NMNAT1: variants seen among roughly 807,000 people sequenced by gnomAD.
NMNAT1 encodes nicotinamide nucleotide adenylyltransferase 1, also known as nicotinamide/nicotinic acid mononucleotide adenylyltransferase 1.
In NMNAT1, 11 loss-of-function variants were observed where a neutral mutation model predicts 16.7. That is an observed-to-expected ratio of 0.66 (90% confidence interval 0.41 to 1.09). NMNAT1 has a LOEUF of 1.09. Among genes scored for constraint, NMNAT1 ranks in the 50% least tolerant of loss-of-function variants. The pLI is 0.00. For missense variants in NMNAT1, 280 were observed against 332.3 expected (o/e 0.84, Z 1.22); for synonymous variants, 110 against 119.8 (o/e 0.92, Z 0.53).
chr1:9,952,045 T>A (rs1234035473), intron 1 of NMNAT1, among the ~76,000 whole-genome samples: 2 of 152,116 alleles, frequency 1.3e-5, no homozygotes, highest in Admixed American at 1.3e-4. Context: ...ACGCCTGTAA[T>A]CCCAGCACTT....
At chr1:9,986,994 C>T (rs1447434841), downstream of NMNAT1, among the ~76,000 whole-genome samples, 2 of 151,278 alleles carry the variant, frequency 1.3e-5, no homozygotes, top group Non-Finnish European at 3.0e-5. Flanking sequence ...GTCAGGAGTT[C>T]AAGACCAGCC....
In NMNAT1 at chr1:9,983,748, C is replaced by T. The variant is rs1357647256; in HGVS notation, c.*1047C>T. ...AGCCTCAAATCATACAGATGAGGGT[C>T]ATTTTCTCCTCCTTAGCTTCTTGGA... On this transcript the variant is annotated 3_prime_UTR_variant, in exon 5 of 5. Coordinates refer to ENST00000377205, the MANE Select transcript of NMNAT1 (RefSeq NM_022787.4). 1.3e-5 allele frequency: 2 copies of T among 151,964 alleles called. No individual in the cohort carries two copies. Among genetic ancestry groups the T allele is most frequent in the African/African-American group, 4.8e-5 (2 of 41,360 alleles). 9.4% of individuals were successfully genotyped at this position (151,964 alleles called of 1,614,324 possible). A position where few individuals can be genotyped will look rare whatever the true frequency, so the allele number is the denominator to read the frequency against.
At chr1:9,966,250 G>T (rs947131845) in intron 1 of NMNAT1, among the ~76,000 whole-genome samples, 2 of 152,192 alleles carry the variant, frequency 1.3e-5, no homozygotes, top group South Asian at 2.1e-4. Flanking sequence ...AGTGAGCTGA[G>T]ATCGTGCCAC....
chr1:9,985,892 G>A (rs1395141115), downstream of NMNAT1, among the ~76,000 whole-genome samples: 1 of 152,056 alleles, frequency 6.6e-6, no homozygotes, highest in East Asian at 1.9e-4. Context: ...CAAATGATCC[G>A]CCCACCTTGG....
At chr1:9,951,738 G>A (rs1038256396) in intron 1 of NMNAT1, among the ~76,000 whole-genome samples, 1 of 152,188 alleles carries the variant, frequency 6.6e-6, no homozygotes, top group African/African-American at 2.4e-5. Flanking sequence ...GCCTTCCAAA[G>A]TACTGGGATT....
chr1:9,953,275 G>A (rs1273249065), intron 1 of NMNAT1, among the ~76,000 whole-genome samples: 1 of 149,244 alleles, frequency 6.7e-6, no homozygotes, highest in Non-Finnish European at 1.5e-5. Flanking sequence ...CACTGTGCGC[G>A]GGCTTTTTTT....
intron 1 of NMNAT1, among the ~76,000 whole-genome samples, chr1:9,964,544 T>C (rs1455198146): frequency 6.6e-6 from 1 of 151,618 alleles, no homozygotes; most frequent in African/African-American, 2.4e-5. Flanking sequence ...AGACCCCGTC[T>C]CAAAAAGAAA....
chr1:9,966,373 G>A (rs1641543316), intron 1 of NMNAT1, among the ~76,000 whole-genome samples: 2 of 151,954 alleles, frequency 1.3e-5, no homozygotes. Context: ...AACGCTGTGG[G>A]AGGCTGAGGC....
At chr1:9,957,528 C>T (rs1335181503) in intron 1 of NMNAT1, among the ~76,000 whole-genome samples, 3 of 140,492 alleles carry the variant, frequency 2.1e-5, no homozygotes, top group African/African-American at 8.1e-5. Context: ...CTATTGACCT[C>T]GTGATCCACG....
intron 1 of NMNAT1, among the ~76,000 whole-genome samples, chr1:9,954,786 G>T (rs535212819): frequency 6.6e-6 from 1 of 151,224 alleles, no homozygotes; most frequent in South Asian, 2.1e-4. Context: ...CAAACATTAG[G>T]TTCGTGTGGT....
chr1:9,996,082 C>T, the NMNAT1 span, among the ~76,000 whole-genome samples: 3 of 151,850 alleles, frequency 2.0e-5, no homozygotes, highest in South Asian at 2.1e-4. Flanking sequence ...GAGGCCAAGG[C>T]GGGCGGATCA....
downstream of NMNAT1, among the ~76,000 whole-genome samples, chr1:9,987,059 G>A (rs868867126): frequency 5.9e-5 from 9 of 152,132 alleles, no homozygotes; most frequent in Middle Eastern, 3.4e-3. Context: ...TTATACGGGC[G>A]TGGTGGCGGG....
At chr1:9,994,963 G>T in the NMNAT1 span, among the ~76,000 whole-genome samples, 1 of 151,980 alleles carries the variant, frequency 6.6e-6, no homozygotes, top group Non-Finnish European at 1.5e-5. Flanking sequence ...GACCAGGCTG[G>T]TCTCAAACTC....
downstream of NMNAT1, among the ~76,000 whole-genome samples, chr1:9,988,839 T>C (rs1469293542): frequency 6.6e-6 from 1 of 151,750 alleles, no homozygotes; most frequent in East Asian, 1.9e-4. Flanking sequence ...CTAATTTTTG[T>C]ATTCTTAGTA....
intron 2 of NMNAT1, 45 bp downstream of exon 2, chr1:9,972,233 G>T (rs79685493): frequency 1.0e-6 from 1 of 997,818 alleles, no homozygotes; most frequent in Admixed American, 1.8e-5. Flanking sequence ...AGAACCAGCC[G>T]GGTGCAGTGG....
chr1:9,965,001 G>C (rs1303804729), intron 1 of NMNAT1, among the ~76,000 whole-genome samples: 1 of 148,220 alleles, frequency 6.7e-6, no homozygotes, highest in Non-Finnish European at 1.5e-5. Context: ...CTTTGAGCAA[G>C]ATTATGTCAC....
intron 1 of NMNAT1, chr1:9,949,799 A>G (rs1160799669): frequency 6.6e-6 from 1 of 151,968 alleles, no homozygotes; most frequent in Admixed American, 6.6e-5. Flanking sequence ...TTGTTTAAAT[A>G]CACAATCTGA....
At chr1:9,958,223 G>C (rs1641315380) in intron 1 of NMNAT1, among the ~76,000 whole-genome samples, 1 of 152,112 alleles carries the variant, frequency 6.6e-6, no homozygotes, top group African/African-American at 2.4e-5. Flanking sequence ...TTCAGGTTCT[G>C]TTTGGTGATA....
intron 1 of NMNAT1, among the ~76,000 whole-genome samples, chr1:9,944,562 C>T (rs1443996462): frequency 6.6e-6 from 1 of 152,116 alleles, no homozygotes; most frequent in Non-Finnish European, 1.5e-5. Context: ...GTTGCCCAGG[C>T]TGGAGTGCAG....
Sources: allele counts gnomAD v4.1 joint callset (sites outside exome capture counted in the v4.1 genomes callset), GRCh38; gene constraint gnomAD v4.1.1; transcripts MANE v1.5; gene names NCBI Gene and HGNC (gene_info 2026-07-23, HGNC 2026-07-21).